Variants in FGF10 observed in about 807,000 individuals in gnomAD.
FGF10 encodes fibroblast growth factor 10, also known as FGF-10.
A neutral mutation model predicts 19.8 loss-of-function variants in FGF10; 2 were observed. The observed-to-expected ratio is 0.10, with a 90% CI of 0.04 to 0.32. The LOEUF is 0.32. Ranked by LOEUF, FGF10 falls within the 10% of genes least tolerant of loss-of-function variation. FGF10 has a pLI of 1.00. For missense variants in FGF10, 191 were observed against 246.3 expected, an observed-to-expected ratio of 0.78 and a Z score of 1.50; for synonymous variants, 112 against 94.0, an observed-to-expected ratio of 1.19 and a Z score of -1.10.
intron 1 of FGF10, among the ~76,000 whole-genome samples, chr5:44,311,490 A>G (rs925218462): frequency 6.6e-6 from 1 of 152,072 alleles, no homozygotes; most frequent in African/African-American, 2.4e-5. Context: ...CTGGCTCTAC[A>G]TTTATTAGTG....
At chr5:44,329,338 G>A (rs1352959933) in intron 1 of FGF10, among the ~76,000 whole-genome samples, 3 of 152,008 alleles carry the variant, frequency 2.0e-5, no homozygotes, top group African/African-American at 7.2e-5. Flanking sequence ...CACCACACCT[G>A]GCTAATTTTT....
At chr5:44,310,089 A>G (rs1740174003) in intron 2 of FGF10, among the ~76,000 whole-genome samples, 3 of 152,066 alleles carry the variant, frequency 2.0e-5, no homozygotes, top group African/African-American at 7.2e-5. Flanking sequence ...TCAATTCAAG[A>G]TCTTTGTTTT....
Position 44,310,445 on chromosome 5 carries a change from C to T in FGF10, c.411G>A (p.Lys137=), listed in dbSNP as rs1740185343. 1 of 1,610,708 alleles carries T rather than the reference C, an allele frequency of 6.2e-7. No individual in the cohort carries two copies. Among genetic ancestry groups the T allele is most frequent in the Non-Finnish European group, 8.5e-7 (1 of 1,177,424 alleles). ...TACTTACTGAGCCATAGAGTTTCCCCTTCTTGTTCATGGCTAAGTAATAGT... is the reference window on the plus strand; with the variant it reads ...TACTTACTGAGCCATAGAGTTTCCCTTTCTTGTTCATGGCTAAGTAATAGT... ...NSNYYLAMNK[K]GKLYGSKEFN... is the part of the protein sequence containing the mutation. Residue 137 remains lysine (K), a synonymous_variant, in exon 2 of 3, where the codon AAG becomes AAA. Coordinates refer to ENST00000264664, the MANE Select transcript of FGF10 (RefSeq NM_004465.2).
Position 44,305,101 on chromosome 5 carries a change from C to A in FGF10, c.521G>T (p.Arg174Met). The A allele has an allele frequency of 6.2e-7, 1 of 1,613,984 alleles. No individual in the cohort carries two copies. The highest frequency in any genetic ancestry group is 8.5e-7 in the Non-Finnish European group (1 of 1,179,892). Residue 174 changes from arginine to methionine, a missense_variant, in exon 3 of 3, where the codon AGG becomes ATG. Arg to Met is a moderately conservative substitution (Grantham distance 91, BLOSUM62 -1). This residue lies in a region of FGF10 where 99 missense variants were observed against 161.7 expected (regional missense o/e 0.61). Coordinates refer to ENST00000264664, the MANE Select transcript of FGF10 (RefSeq NM_004465.2). ...YASFNWQHNG[R>M]QMYVALNGKG... is the part of the protein sequence containing the mutation. ...TCCATTCAATGCCACATACATTTGC[C>A]TCCCATTATGCTGCCAGTTAAATGA...
chr5:44,367,139 C>T (rs1317985118), intron 1 of FGF10, among the ~76,000 whole-genome samples: 4 of 152,050 alleles, frequency 2.6e-5, no homozygotes, highest in African/African-American at 9.6e-5. Flanking sequence ...AATGAATTCA[C>T]ACTATAAAAG....
At chr5:44,365,824 A>T (rs1231417639) in intron 1 of FGF10, among the ~76,000 whole-genome samples, 1 of 151,998 alleles carries the variant, frequency 6.6e-6, no homozygotes, top group African/African-American at 2.4e-5. Context: ...CACAAATGTG[A>T]TTGTGTGTAT....
In FGF10 at chr5:44,302,030, G is replaced by A. The variant is rs1307003610; in HGVS notation, c.*2965C>T. Among the ~76,000 whole-genome samples the A allele has an allele frequency of 6.6e-6, 1 of 151,714 alleles. No individual in the cohort carries two copies. The highest frequency in any genetic ancestry group is 2.4e-5 in the African/African-American group (1 of 41,322). On this transcript the variant is annotated 3_prime_UTR_variant, in exon 3 of 3. Coordinates refer to ENST00000264664, the MANE Select transcript of FGF10 (RefSeq NM_004465.2). ...TGGCTGATGCACTTTAACTTTGTGG[G>A]CCTGGGACCATACTCCTACAGAGGC...
At chr5:44,340,249 A>T (rs1325096272) in intron 1 of FGF10, among the ~76,000 whole-genome samples, 1 of 152,114 alleles carries the variant, frequency 6.6e-6, no homozygotes, top group South Asian at 2.1e-4. Context: ...GAATGAACTG[A>T]AAGTAGCCCA....
intron 1 of FGF10, among the ~76,000 whole-genome samples, chr5:44,347,976 C>T (rs951800994): frequency 2.0e-4 from 30 of 151,680 alleles, no homozygotes; most frequent in African/African-American, 7.3e-4. Flanking sequence ...GTATAGGAGT[C>T]TTACACACAA....
At chr5:44,371,733 T>C (rs1286805538) in intron 1 of FGF10, among the ~76,000 whole-genome samples, 1 of 152,162 alleles carries the variant, frequency 6.6e-6, no homozygotes, top group African/African-American at 2.4e-5. Context: ...TTTAAAAGCA[T>C]ATAGTCAACT....
chr5:44,373,087 C>T (rs574648898), intron 1 of FGF10, among the ~76,000 whole-genome samples: 1 of 152,258 alleles, frequency 6.6e-6, no homozygotes, highest in African/African-American at 2.4e-5. Context: ...ATTTTAGTTC[C>T]AGCTGGCAGT....
chr5:44,306,319 G>T (rs1579890570), intron 2 of FGF10, among the ~76,000 whole-genome samples: 1 of 152,250 alleles, frequency 6.6e-6, no homozygotes, highest in East Asian at 1.9e-4. Context: ...GTAGTTTGAA[G>T]CTGGGATGCG....
chr5:44,325,777 C>T (rs934148829), intron 1 of FGF10, among the ~76,000 whole-genome samples: 11 of 151,984 alleles, frequency 7.2e-5, no homozygotes, highest in South Asian at 2.1e-4. Context: ...ATGTAAATGA[C>T]GAGTTAATGG....
At chr5:44,352,504 C>A (rs1384368388) in intron 1 of FGF10, among the ~76,000 whole-genome samples, 3 of 151,692 alleles carry the variant, frequency 2.0e-5, no homozygotes, top group Non-Finnish European at 3.0e-5. Context: ...ATTGAGACAG[C>A]TAATTTTTGA....
At position 44,355,783 on chromosome 5, in the gene FGF10, C is replaced by T. The variant is rs144652391; in HGVS notation, c.325+32575G>A. 4.7e-3 allele frequency among the ~76,000 whole-genome samples: 711 copies of T among 151,378 alleles called. 5 individuals carry two copies. Among genetic ancestry groups the T allele is most frequent in the Non-Finnish European group, 7.8e-3 (524 of 67,574 alleles). On this transcript the variant is annotated intron_variant, in intron 1 of 2. Transcript: ENST00000264664. ...GAACAGAGTGTATTTATATTTAAAG[C>T]GTCATGATTCAGTTTCCTATTCTGC...
At position 44,329,652 on chromosome 5, in the gene FGF10, T is replaced by C. The variant is rs111677044; in HGVS notation, c.326-19122A>G. 1.1e-4 allele frequency among the ~76,000 whole-genome samples: 16 copies of C among 152,232 alleles called. 3 individuals are homozygous for C. The highest frequency in any genetic ancestry group is 3.4e-4 in the African/African-American group (14 of 41,546). On this transcript the variant is annotated intron_variant, in intron 1 of 2. Coordinates refer to ENST00000264664, the MANE Select transcript of FGF10 (RefSeq NM_004465.2). ...ATCACAAAAATGAGCATGTACCCAA[T>C]ATAAGAAACATTTGCTTTGAAATTG... is the stretch of plus-strand genomic sequence containing the variant.
At chr5:44,315,047 T>C (rs1740304676) in intron 1 of FGF10, among the ~76,000 whole-genome samples, 1 of 152,058 alleles carries the variant, frequency 6.6e-6, no homozygotes, top group Non-Finnish European at 1.5e-5. Flanking sequence ...ATTCAGCTAA[T>C]GTGTATTAAG....
At chr5:44,339,010 A>C (rs1405330780) in intron 1 of FGF10, among the ~76,000 whole-genome samples, 1 of 152,196 alleles carries the variant, frequency 6.6e-6, no homozygotes, top group Non-Finnish European at 1.5e-5. Context: ...TTTCCTGTTC[A>C]TTTAAGACCA....
intron 1 of FGF10, among the ~76,000 whole-genome samples, chr5:44,315,063 G>A (rs1436380431): frequency 6.6e-6 from 1 of 151,966 alleles, no homozygotes; most frequent in African/African-American, 2.4e-5. Flanking sequence ...TTAAGCACCA[G>A]TGTGCAGGGT....
Sources: allele counts gnomAD v4.1 joint callset (sites outside exome capture counted in the v4.1 genomes callset), GRCh38; gene constraint gnomAD v4.1.1; regional missense constraint gnomAD v4.1.1; transcripts MANE v1.5; gene names NCBI Gene and HGNC (gene_info 2026-07-23, HGNC 2026-07-21).